RIMS1: variants seen among roughly 807,000 people sequenced by gnomAD.
RIMS1 encodes the protein regulating synaptic membrane exocytosis 1, also known as regulating synaptic membrane exocytosis protein 1.
RIMS1 carries 83 observed loss-of-function variants against 214.1 expected under a neutral mutation model. The ratio of observed to expected loss-of-function variants is 0.39; its 90% CI spans 0.32 to 0.47. The LOEUF is 0.47. Ranked by LOEUF, RIMS1 falls within the 20% of genes least tolerant of loss-of-function variation. The pLI, the probability that RIMS1 is intolerant of heterozygous loss-of-function variation, is 0.99. For synonymous variants in RIMS1, 793 were observed against 786.8 expected, an observed-to-expected ratio of 1.01 and a Z score of -0.13; for missense variants, 2,050 against 2,161.8, an observed-to-expected ratio of 0.95 and a Z score of 1.03.
chr6:72,141,211 T>C (rs997252447), intron 4 of RIMS1, among the ~76,000 whole-genome samples: 4 of 151,982 alleles, frequency 2.6e-5, no homozygotes, highest in Non-Finnish European at 4.4e-5. Flanking sequence ...TAGATAAAGA[T>C]TCATTGAGAA....
At chr6:72,154,561 T>G (rs969313632) in intron 4 of RIMS1, among the ~76,000 whole-genome samples, 1 of 140,756 alleles carries the variant, frequency 7.1e-6, no homozygotes, top group Non-Finnish European at 1.6e-5. Flanking sequence ...GATGAGAGAC[T>G]AGACTCTTTC....
At chr6:72,199,326 A>C (rs902276987) in intron 6 of RIMS1, among the ~76,000 whole-genome samples, 2 of 152,146 alleles carry the variant, frequency 1.3e-5, no homozygotes, top group South Asian at 4.1e-4. Context: ...ATTGGGCCAT[A>C]AACTTAACTA....
chr6:72,240,630 C>CTTTTT (rs11344285), intron 9 of RIMS1, among the ~76,000 whole-genome samples: 40 of 82,388 alleles, frequency 4.9e-4, no homozygotes, highest in African/African-American at 7.7e-4. Context: ...TTTCTTTTTT[C>CTTTTT]TTTTTTTTTT....
chr6:72,087,498 A>G (rs1390559782), intron 2 of RIMS1, among the ~76,000 whole-genome samples: 2 of 152,362 alleles, frequency 1.3e-5, no homozygotes, highest in African/African-American at 4.8e-5. Context: ...AAGGACTCTC[A>G]GATGGCATTT....
At chr6:72,168,728 T>G (rs1249809772) in intron 4 of RIMS1, among the ~76,000 whole-genome samples, 9 of 150,726 alleles carry the variant, frequency 6.0e-5, no homozygotes, top group Middle Eastern at 6.8e-3. Flanking sequence ...AGGGTTTTTT[T>G]TTTTTTTTTT....
chr6:72,008,873 T>G (rs911844424), intron 2 of RIMS1, among the ~76,000 whole-genome samples: 1 of 152,052 alleles, frequency 6.6e-6, no homozygotes, highest in Non-Finnish European at 1.5e-5. Flanking sequence ...ACAATAATAA[T>G]GGGAGACTTT....
intron 4 of RIMS1, 40 bp downstream of exon 4, chr6:72,100,026 A>G (rs1322849317): frequency 6.5e-7 from 1 of 1,534,148 alleles, no homozygotes; most frequent in Admixed American, 1.7e-5. Context: ...TTGTTATTGT[A>G]TTGTTGTGAA....
chr6:72,029,845 T>C (rs541087439), intron 2 of RIMS1, among the ~76,000 whole-genome samples: 63 of 152,184 alleles, frequency 4.1e-4, no homozygotes, highest in Admixed American at 1.0e-3. Context: ...GTTATATTTG[T>C]TGAGTGATGT....
chr6:72,169,056 A>T (rs1207397273), intron 4 of RIMS1, among the ~76,000 whole-genome samples: 10 of 152,196 alleles, frequency 6.6e-5, no homozygotes, highest in East Asian at 1.9e-4. Flanking sequence ...CCTGTCTAAC[A>T]TTTAAGTGGC....
rs187147300 is a variant in RIMS1 at position 71,998,487 on chromosome 6, A to G, written c.245+29424A>G. Among the ~76,000 whole-genome samples the G allele has an allele frequency of 9.3e-3, 1,410 of 152,228 alleles. 16 individuals are homozygous for G. Among genetic ancestry groups the G allele is most frequent in the Non-Finnish European group, 0.015 (1,019 of 68,006 alleles). On this transcript the variant is annotated intron_variant, in intron 2 of 33. Coordinates refer to ENST00000521978, the MANE Select transcript of RIMS1 (RefSeq NM_014989.7). ...GTTTATGGCATGTCTCCTCCATTAG[A>G]ATGTAAACTCCAAGAGAACAGGGAA...
intron 10 of RIMS1, among the ~76,000 whole-genome samples, chr6:72,242,843 TTTA>T (rs938602690): frequency 1.3e-5 from 2 of 151,896 alleles, no homozygotes; most frequent in African/African-American, 4.8e-5. Flanking sequence ...ACATGAACTT[TTTA>T]TTATTCTACG....
intron 2 of RIMS1, among the ~76,000 whole-genome samples, chr6:72,087,218 C>G (rs62409484): frequency 1.3e-5 from 2 of 152,008 alleles, no homozygotes; most frequent in Non-Finnish European, 2.9e-5. Context: ...GTTCAAGATG[C>G]TTTTATAACC....
At position 72,248,074 on chromosome 6, in the gene RIMS1, A is replaced by G; in HGVS notation, c.2188A>G (p.Thr730Ala). 1.2e-6 allele frequency: 2 copies of G among 1,613,286 alleles called. No individual in the cohort carries two copies. The highest frequency in any genetic ancestry group is 1.7e-6 in the Non-Finnish European group (2 of 1,179,530). The part of the protein sequence containing the change: ...ERPSISVISP[T>A]SPGALKDAPQ... ...GCCTTCCATTTCTGTTATTTCTCCA[A>G]CAAGTCCTGGAGCTCTAAAAGATGC... Residue 730 changes from threonine to alanine, a missense_variant, in exon 12 of 34, where the codon ACA becomes GCA. Physicochemically the swap from Thr to Ala is moderately conservative, Grantham distance 58 (BLOSUM62 0). Around this residue, in one of 6 missense-constraint regions of RIMS1, gnomAD observed 111 missense variants for 166.2 expected, o/e 0.67. Transcript: ENST00000521978.
At chr6:72,149,721 C>G (rs143814567) in intron 4 of RIMS1, among the ~76,000 whole-genome samples, 1 of 152,176 alleles carries the variant, frequency 6.6e-6, no homozygotes, top group Admixed American at 6.5e-5. Flanking sequence ...TGGATGAGCC[C>G]CTAGAAATGA....
In RIMS1 at chr6:72,233,789, C is replaced by T; in HGVS notation, c.1695C>T (p.Tyr565=). The part of the protein sequence containing the change: ...SVSEKGDLDY[Y]WLDPATWHSR... The stretch of plus-strand genomic sequence containing the variant: ...ATTGCACAGGTGATTTGGATTATTA[C>T]TGGTTGGATCCTGCCACGTGGCACA... Residue 565 remains tyrosine, a synonymous_variant, in exon 7 of 34, where the codon TAC becomes TAT. Transcript: ENST00000521978. The T allele has an allele frequency of 1.3e-6, 2 of 1,575,748 alleles. No homozygotes were observed. The highest frequency in any genetic ancestry group is 1.2e-5 in the South Asian group (1 of 86,036).
At chr6:72,073,194 TTG>T (rs1331855810) in intron 2 of RIMS1, among the ~76,000 whole-genome samples, 1 of 152,162 alleles carries the variant, frequency 6.6e-6, no homozygotes, top group East Asian at 1.9e-4. Flanking sequence ...GGTTTTGTTT[TTG>T]TGTTTTAGCA....
In RIMS1 at chr6:72,067,154, A is replaced by G. The variant is rs577187806; in HGVS notation, c.246-29795A>G. ...AGAAAAAGCCAGAGTGATCATGTACATCTTTCAATGAGATCATGTCTCTCC... is the reference window on the plus strand; with the variant it reads ...AGAAAAAGCCAGAGTGATCATGTACGTCTTTCAATGAGATCATGTCTCTCC... On this transcript the variant is annotated intron_variant, in intron 2 of 33. Transcript: ENST00000521978. Among the ~76,000 whole-genome samples, 7 of 152,296 alleles carry G rather than the reference A, an allele frequency of 4.6e-5. No individual in the cohort carries two copies. In the East Asian group the frequency reaches 1.4e-3, roughly 29 times the overall value.
intron 1 of RIMS1, among the ~76,000 whole-genome samples, chr6:71,897,582 A>C (rs1441703183): frequency 6.6e-6 from 1 of 152,222 alleles, no homozygotes; most frequent in Non-Finnish European, 1.5e-5. Flanking sequence ...CTTTTGAATT[A>C]GCTCAAGTGA....
Position 72,402,548 on chromosome 6 carries a change from A to T in RIMS1, c.*1834A>T, listed in dbSNP as rs192341397. On this transcript the variant is annotated 3_prime_UTR_variant, in exon 34 of 34. Coordinates refer to ENST00000521978, the MANE Select transcript of RIMS1 (RefSeq NM_014989.7). ...TGCACCAAGTGAATTATTTATTATT[A>T]TTTACACATGCCAGAATTATCTGCC... The T allele has an allele frequency of 6.5e-6, 1 of 152,702 alleles. No individual in the cohort carries two copies. Among genetic ancestry groups the T allele is most frequent in the East Asian group, 1.9e-4 (1 of 5,188 alleles). 9.5% of individuals were successfully genotyped at this position (152,702 alleles called of 1,614,324 possible). A position where few individuals can be genotyped will look rare whatever the true frequency, so the allele number is the denominator to read the frequency against.
Sources: gnomAD v4.1 joint callset for allele counts (sites outside exome capture counted in the v4.1 genomes callset) on GRCh38, gnomAD v4.1.1 for gene constraint, gnomAD v4.1.1 regional missense constraint, MANE v1.5 for transcripts, NCBI Gene and HGNC (gene_info 2026-07-23, HGNC 2026-07-21) for gene names.